The following TRIM27 variants were observed in gnomAD, a reference collection of about 807,000 sequenced individuals.
TRIM27 encodes the protein zinc finger protein RFP.
Under a neutral mutation model 57.6 loss-of-function variants are expected in TRIM27, and 12 were observed. The observed-to-expected ratio is 0.21, with a 90% CI of 0.13 to 0.34. The LOEUF is 0.34. TRIM27 is among the 10% of genes least tolerant of loss of function. The probability of loss-of-function intolerance (pLI) is 1.00; values close to 1 mark genes in which losing one functional copy is unlikely to be tolerated. For missense variants in TRIM27, 403 were observed against 656.8 expected (o/e 0.61, Z 4.22); for synonymous variants, 266 against 259.0 (o/e 1.03, Z -0.26).
At chr6:28,923,157 C>G in intron 1 of TRIM27, 56 bp downstream of exon 1, 1 of 1,473,444 alleles carries the variant, frequency 6.8e-7, no homozygotes, top group African/African-American at 1.4e-5. Flanking sequence ...GCCCCTTTGG[C>G]TCTCTCCTCC....
Position 28,904,376 on chromosome 6 carries a change from C to T in TRIM27, c.1236G>A (p.Trp412Ter). 1.2e-6 allele frequency: 2 copies of T among 1,613,066 alleles called. No homozygotes were observed. Among genetic ancestry groups the T allele is most frequent in the South Asian group, 1.1e-5 (1 of 91,090 alleles). Residue 412 changes from tryptophan to a stop codon, truncating the protein, a stop_gained, in exon 8 of 8, where the codon TGG becomes TGA. Transcript: ENST00000377199. LOFTEE classifies it high-confidence loss of function. This position sits in a 1 kb window ranked among gnomAD's most constrained non-coding sequence, Gnocchi z 6.1. ...PQNGFWAVSLWYGKEYWALTS... is the reference protein window; with the variant it reads ...PQNGFWAVSL The stretch of plus-strand genomic sequence containing the variant: ...TAAGAGCCCAATATTCTTTCCCATA[C>T]CACAAAGACACTGCCCAGAATCCAT...
intron 7 of TRIM27, chr6:28,905,285 G>A (rs1234601798): frequency 6.6e-6 from 1 of 152,180 alleles, no homozygotes; most frequent in Non-Finnish European, 1.5e-5. Context: ...AAGTTTCATA[G>A]AATTCAGAAT....
chr6:28,917,305 C>T (rs574239554), intron 3 of TRIM27, among the ~76,000 whole-genome samples: 9 of 149,292 alleles, frequency 6.0e-5, no homozygotes, highest in African/African-American at 2.2e-4. Context: ...GGGCTGGGCA[C>T]GGTGGCTCGC....
Position 28,923,782 on chromosome 6 carries a change from C to T in TRIM27, c.-150G>A. The T allele has an allele frequency of 3.5e-6, 3 of 858,946 alleles. No homozygotes were observed. Among genetic ancestry groups the T allele is most frequent in the Non-Finnish European group, 5.1e-6 (3 of 582,846 alleles). 53.2% of individuals were successfully genotyped at this position (858,946 alleles called of 1,614,324 possible). On this transcript the variant is annotated 5_prime_UTR_variant, in exon 1 of 8. Transcript: ENST00000377199. ...CTCCCGGGCCCGTATCCCAGACGCG[C>T]CCGCGCACCGAAGGCTTGGAGTGGC...
At chr6:28,913,785 G>A (rs775245426) in intron 3 of TRIM27, among the ~76,000 whole-genome samples, 1 of 151,556 alleles carries the variant, frequency 6.6e-6, no homozygotes, top group Non-Finnish European at 1.5e-5. Flanking sequence ...CTAGAATTTT[G>A]GTCTTTTCTC....
chr6:28,921,377 T>TA (rs559386159), intron 2 of TRIM27, among the ~76,000 whole-genome samples: 114 of 142,872 alleles, frequency 8.0e-4, no homozygotes, highest in East Asian at 8.1e-4. Flanking sequence ...GACCCTGTCT[T>TA]AAAAAAAAAA....
rs768486136 is a variant in TRIM27 at position 28,904,607 on chromosome 6, C to T, written c.1005G>A (p.Leu335=). Residue 335 remains leucine, a synonymous_variant, in exon 8 of 8, where the codon CTG becomes CTA. Coordinates refer to ENST00000377199, the MANE Select transcript of TRIM27 (RefSeq NM_006510.5). This position sits in a 1 kb window ranked among gnomAD's most constrained non-coding sequence, Gnocchi z 6.1. ...GGAGGTAACTGTACCGCACTTGCCG[C>T]AGATTATCAGAGAGGATCAGGCTGG... ...AYPSLILSDN[L]RQVRYSYLQQ... is the part of the protein sequence containing the mutation. The T allele has an allele frequency of 8.1e-6, 13 of 1,603,494 alleles. No individual in the cohort carries two copies. The East Asian group carries it at 2.7e-4, about 33-fold the overall frequency.
intron 1 of TRIM27, 26 bp from the exon 2 acceptor site, chr6:28,922,013 G>A (rs779622063): frequency 6.4e-7 from 1 of 1,555,982 alleles, no homozygotes; most frequent in Admixed American, 1.7e-5. Flanking sequence ...CAGATGGGCA[G>A]TTCAAAATTA....
chr6:28,908,465 C>T (rs1240331908), intron 6 of TRIM27: 1 of 264,182 alleles, frequency 3.8e-6, no homozygotes, highest in African/African-American at 2.2e-5. Context: ...CAGTAAATTA[C>T]AATGATAAAC....
chr6:28,908,741 T>C (rs1284077327), intron 6 of TRIM27, 67 bp downstream of exon 6: 1 of 1,521,648 alleles, frequency 6.6e-7, no homozygotes, highest in Admixed American at 1.7e-5. Context: ...CGTTTCCCAC[T>C]TTCAGTGCAG....
Position 28,923,826 on chromosome 6 carries a change from TG to T in TRIM27, c.-195del. On this transcript the variant is annotated 5_prime_UTR_variant, in exon 1 of 8. Transcript: ENST00000377199. ...GAGTGGCCGGGCCGATGCCTGCGCC[TG>T]TGCCCCCTAAGCGAGAGCGGGAATA... 1 of 603,884 alleles carries T rather than the reference TG, an allele frequency of 1.7e-6. No individual in the cohort carries two copies. The highest frequency in any genetic ancestry group is 3.1e-5 in the East Asian group (1 of 32,522). The allele number at this position is 603,884 out of a possible 1,614,324, so 37.4% of individuals were successfully genotyped here.
In TRIM27 at chr6:28,908,953, G is replaced by T. The variant is rs1415751153; in HGVS notation, c.886+20C>A. The T allele has an allele frequency of 1.2e-6, 2 of 1,606,146 alleles. No individual in the cohort carries two copies. The highest frequency in any genetic ancestry group is 2.2e-5 in the East Asian group (1 of 44,812). ...TCAGTATAAATCCATTTCCCCTCAT[G>T]ACACCTCTCCTCACATTACCTGTGA... On this transcript the variant is annotated intron_variant, in intron 5 of 7. Coordinates refer to ENST00000377199, the MANE Select transcript of TRIM27 (RefSeq NM_006510.5).
chr6:28,912,803 G>A (rs1189772280), intron 3 of TRIM27, among the ~76,000 whole-genome samples: 1 of 151,970 alleles, frequency 6.6e-6, no homozygotes, highest in Non-Finnish European at 1.5e-5. Context: ...ATTTTTTATT[G>A]ATACGTAACA....
chr6:28,908,600 C>A (rs999917884), intron 6 of TRIM27: 7 of 517,204 alleles, frequency 1.4e-5, no homozygotes, highest in Non-Finnish European at 2.1e-5. Flanking sequence ...ATGCAGACTG[C>A]GAATTGACTA....
chr6:28,908,119 GA>G (rs914306410), intron 6 of TRIM27: 4 of 161,390 alleles, frequency 2.5e-5, no homozygotes, highest in African/African-American at 9.6e-5. Context: ...CTCGTGAGCA[GA>G]AAAATTTTAA....
At chr6:28,922,026 T>G in intron 1 of TRIM27, 39 bp from the exon 2 acceptor site, 1 of 1,453,918 alleles carries the variant, frequency 6.9e-7, no homozygotes, top group South Asian at 1.1e-5. Flanking sequence ...CAAAATTAGG[T>G]AGACCTTAGC....
chr6:28,919,932 G>T (rs189930542), intron 3 of TRIM27, 80 bp downstream of exon 3: 2 of 1,318,314 alleles, frequency 1.5e-6, no homozygotes, highest in Non-Finnish European at 2.1e-6. Flanking sequence ...GAAGACAGGG[G>T]GTCCTGGATA....
At chr6:28,911,464 T>G (rs180821101) in intron 4 of TRIM27, 4 of 524,236 alleles carry the variant, frequency 7.6e-6, no homozygotes, top group Non-Finnish European at 1.0e-5. Context: ...GGAAGTGTCC[T>G]CATACCCCTA....
rs1200105645 is a variant in TRIM27, at chr6:28,903,268, A to T, written c.*802T>A. 4.3e-6 allele frequency: 1 copy of T among 233,044 alleles called. No homozygotes were observed. Among genetic ancestry groups the T allele is most frequent in the Non-Finnish European group, 8.5e-6 (1 of 117,978 alleles). 14.4% of individuals were successfully genotyped at this position (233,044 alleles called of 1,614,324 possible). On this transcript the variant is annotated 3_prime_UTR_variant, in exon 8 of 8. Coordinates refer to ENST00000377199, the MANE Select transcript of TRIM27 (RefSeq NM_006510.5). ...TGGAATATTGTCCCAGAATCCTTCC[A>T]GGGATGGTATACGACTGGCCACCAG...
Sources: allele counts gnomAD v4.1 joint callset (sites outside exome capture counted in the v4.1 genomes callset), GRCh38; gene constraint gnomAD v4.1.1; non-coding constraint Gnocchi (gnomAD v3.1); transcripts MANE v1.5; gene names NCBI Gene and HGNC (gene_info 2026-07-23, HGNC 2026-07-21).